Variants in LRP6 observed in about 807,000 individuals in gnomAD.
LRP6 encodes the protein low-density lipoprotein receptor-related protein 6.
Under a neutral mutation model 184.1 loss-of-function variants are expected in LRP6, and 43 were observed. The observed-to-expected ratio is 0.23, with a 90% CI of 0.18 to 0.30. The LOEUF (loss-of-function observed/expected upper bound fraction) is 0.30, where lower values mean the gene tolerates loss of function less well. Among genes scored for constraint, LRP6 ranks in the 10% least tolerant of loss-of-function variants. LRP6 has a pLI of 1.00. For missense variants in LRP6, 1,571 were observed against 2,005.3 expected, an observed-to-expected ratio of 0.78 and a Z score of 4.14; for synonymous variants, 719 against 684.9, an observed-to-expected ratio of 1.05 and a Z score of -0.78.
chr12:12,244,130 A>G (rs1865129549), intron 2 of LRP6, 132 bp downstream of exon 2: 5 of 900,116 alleles, frequency 5.6e-6, no homozygotes, highest in Non-Finnish European at 8.8e-6. Flanking sequence ...AGTCTACTCA[A>G]CAAAGAAGCC....
At chr12:12,140,871 G>A (rs553219274) in intron 15 of LRP6, among the ~76,000 whole-genome samples, 32 of 151,954 alleles carry the variant, frequency 2.1e-4, no homozygotes, top group African/African-American at 7.7e-4. Context: ...AAAAGTGCTG[G>A]GATTACAGGC....
chr12:12,160,015 G>A, intron 10 of LRP6, 51 bp from the exon 11 acceptor site: 2 of 1,334,468 alleles, frequency 1.5e-6, no homozygotes, highest in Non-Finnish European at 2.1e-6. Context: ...ATTATCTGGG[G>A]GAAAGAGTCA....
intron 1 of LRP6, among the ~76,000 whole-genome samples, chr12:12,251,541 A>AT (rs1226229891): frequency 3.5e-4 from 52 of 150,278 alleles, no homozygotes; most frequent in Admixed American, 9.3e-4. Flanking sequence ...TTTTTTTTGC[A>AT]TTTTTTTTAG....
intron 3 of LRP6, 50 bp from the exon 4 acceptor site, chr12:12,187,169 CTATCA>C: frequency 1.3e-6 from 2 of 1,494,224 alleles, no homozygotes; most frequent in Non-Finnish European, 1.8e-6. Flanking sequence ...TTTTCTTCTT[CTATCA>C]TAACGTCACC....
chr12:12,133,368 T>A (rs1296021356), intron 17 of LRP6, among the ~76,000 whole-genome samples: 1 of 152,122 alleles, frequency 6.6e-6, no homozygotes, highest in Non-Finnish European at 1.5e-5. Context: ...ATCCTCCTGA[T>A]AGTAAATGAA....
At chr12:12,147,223 T>G in intron 15 of LRP6, 143 bp downstream of exon 15, 2 of 857,060 alleles carry the variant, frequency 2.3e-6, no homozygotes, top group Non-Finnish European at 3.7e-6. Context: ...AAAAAGCTCT[T>G]CACCAACCAA....
Position 12,223,964 on chromosome 12 carries a change from A to G in LRP6, c.449+20298T>C, listed in dbSNP as rs115475686. Reference sequence around the variant, plus strand: ...TCAGAATTGTTAACTATACCTTTATATGAAGCAATATTATCAACCAATGTA... The same window carrying G: ...TCAGAATTGTTAACTATACCTTTATGTGAAGCAATATTATCAACCAATGTA... On this transcript the variant is annotated intron_variant, in intron 2 of 22. Coordinates refer to ENST00000261349, the MANE Select transcript of LRP6 (RefSeq NM_002336.3). 8.3e-3 allele frequency among the ~76,000 whole-genome samples: 1,264 copies of G among 152,320 alleles called. 9 individuals carry two copies. The highest frequency in any genetic ancestry group is 0.017 in the South Asian group (83 of 4,826).
In LRP6 at chr12:12,149,101, G is replaced by A; in HGVS notation, c.3047C>T (p.Pro1016Leu). Residue 1016 changes from proline (P) to leucine (L), a missense_variant, in exon 14 of 23, where the codon CCC (proline) becomes CTC (leucine). Around this residue, in one of 4 missense-constraint regions of LRP6, gnomAD observed 763 missense variants for 859.5 expected, o/e 0.89. Coordinates refer to ENST00000261349, the MANE Select transcript of LRP6 (RefSeq NM_002336.3). ...SVPSQNLEIQ[P>L]YDLSIDIYSR... ...GTAAATATCAATGCTGAGGTCATAG[G>A]GTTGTATTTCCAGGTTCTGACTCGG... 3 of 1,613,986 alleles carry A rather than the reference G, an allele frequency of 1.9e-6. No homozygotes were observed. Among genetic ancestry groups the A allele is most frequent in the Non-Finnish European group, 2.5e-6 (3 of 1,179,996 alleles).
In LRP6 at chr12:12,116,526, T is replaced by C. The variant is rs1470828079; in HGVS notation, c.*4600A>G. 1 of 152,224 alleles carries C rather than the reference T, an allele frequency of 6.6e-6. No homozygotes were observed. Among genetic ancestry groups the C allele is most frequent in the Non-Finnish European group, 1.5e-5 (1 of 68,046 alleles). 9.4% of individuals were successfully genotyped at this position (152,224 alleles called of 1,614,324 possible). On this transcript the variant is annotated 3_prime_UTR_variant, in exon 23 of 23. Coordinates refer to ENST00000261349, the MANE Select transcript of LRP6 (RefSeq NM_002336.3). ...ATTAGATATATAGAATATGTATCTA[T>C]ATATAAATATATCTCTATCGCCCAT...
At chr12:12,205,329 CAA>C (rs56169717) in intron 2 of LRP6, among the ~76,000 whole-genome samples, 52 of 39,098 alleles carry the variant, frequency 1.3e-3, no homozygotes, top group Admixed American at 1.7e-3. Flanking sequence ...CTCAAACAAA[CAA>C]AAAAAAAAAA....
At chr12:12,211,511 G>T (rs1184989605) in intron 2 of LRP6, among the ~76,000 whole-genome samples, 1 of 152,252 alleles carries the variant, frequency 6.6e-6, no homozygotes, top group South Asian at 2.1e-4. Flanking sequence ...GTTCAAATAC[G>T]GACGAACTGA....
At chr12:12,139,597 G>A (rs181662632) in intron 15 of LRP6, among the ~76,000 whole-genome samples, 40 of 152,164 alleles carry the variant, frequency 2.6e-4, no homozygotes, top group East Asian at 1.2e-3. Context: ...GGTGGCATGC[G>A]CCTGTAGTCC....
chr12:12,162,556 C>T, intron 9 of LRP6, 137 bp from the exon 10 acceptor site: 1 of 720,846 alleles, frequency 1.4e-6, no homozygotes, highest in Non-Finnish European at 2.5e-6. Context: ...TTAAAATTCA[C>T]ATAACTTGCA....
At chr12:12,146,570 T>C (rs980193626) in intron 15 of LRP6, among the ~76,000 whole-genome samples, 5 of 152,234 alleles carry the variant, frequency 3.3e-5, no homozygotes, top group African/African-American at 1.2e-4. Flanking sequence ...TAATTTAATT[T>C]GGTTAAAATA....
At chr12:12,159,331 T>C (rs992388695) in intron 11 of LRP6, among the ~76,000 whole-genome samples, 176 bp from the exon 12 acceptor site, 1 of 151,004 alleles carries the variant, frequency 6.6e-6, no homozygotes, top group African/African-American at 2.4e-5. Context: ...ACCAATTCTC[T>C]GAAATCAATC....
Position 12,162,380 on chromosome 12 carries a change from G to A in LRP6, c.2092C>T (p.His698Tyr). The A allele has an allele frequency of 1.9e-6, 3 of 1,614,158 alleles. No homozygotes were observed. Among genetic ancestry groups the A allele is most frequent in the Non-Finnish European group, 2.5e-6 (3 of 1,180,026 alleles). The change falls in exon 10 of 23, where the codon CAT becomes TAT. Residue 698 changes from histidine to tyrosine, a missense_variant. His to Tyr is a moderately conservative substitution (Grantham distance 83). Transcript: ENST00000261349. Reference sequence around the variant, plus strand: ...TAATCTAAGCCGAATTCTACCACATGTTCCAGTGCACTGCCATTCATAAAG... The same window carrying A: ...TAATCTAAGCCGAATTCTACCACATATTCCAGTGCACTGCCATTCATAAAG... ...RAFMNGSALE[H>Y]VVEFGLDYPE...
chr12:12,209,597 A>G lies in LRP6; in HGVS notation c.450-6197T>C, dbSNP rs1348570442. Among the ~76,000 whole-genome samples, 3 of 152,352 alleles carry G rather than the reference A, an allele frequency of 2.0e-5. No individual in the cohort carries two copies. In the East Asian group the frequency reaches 5.8e-4, roughly 29 times the overall value. ...GGAATAGATTTCATCTATAAATACT[A>G]AACATTTTCATTAACTTTTAAATTA... On this transcript the variant is annotated intron_variant, in intron 2 of 22. Transcript: ENST00000261349.
intron 2 of LRP6, among the ~76,000 whole-genome samples, chr12:12,216,096 G>A (rs1320598483): frequency 2.0e-5 from 3 of 152,104 alleles, no homozygotes; most frequent in Admixed American, 1.3e-4. Flanking sequence ...TCTTCAAAGC[G>A]GTTATGGTCT....
At chr12:12,262,312 G>C (rs745659693) in intron 1 of LRP6, among the ~76,000 whole-genome samples, 32 of 152,178 alleles carry the variant, frequency 2.1e-4, no homozygotes, top group Non-Finnish European at 4.3e-4. Flanking sequence ...CCAGGAGGGA[G>C]AGGTTGCAGT....
Sources: gnomAD v4.1 joint callset for allele counts (sites outside exome capture counted in the v4.1 genomes callset) on GRCh38, gnomAD v4.1.1 for gene constraint, gnomAD v4.1.1 regional missense constraint, MANE v1.5 for transcripts, NCBI Gene and HGNC (gene_info 2026-07-23, HGNC 2026-07-21) for gene names.